ODR4: variants seen among roughly 807,000 people sequenced by gnomAD.
ODR4 encodes protein odr-4 homolog.
In ODR4, 47 loss-of-function variants were observed where a neutral mutation model predicts 60.2. The ratio of observed to expected loss-of-function variants is 0.78; its 90% CI spans 0.62 to 1.00. The LOEUF (loss-of-function observed/expected upper bound fraction) is 1.00. ODR4 is among the 50% of genes least tolerant of loss of function. The pLI, the probability that ODR4 is intolerant of heterozygous loss-of-function variation, is 0.00. For missense variants in ODR4, 488 were observed against 530.8 expected (o/e 0.92, Z 0.79); for synonymous variants, 178 against 175.5 (o/e 1.01, Z -0.11).
At chr1:186,425,514 A>G (rs1207210323), downstream of ODR4, among the ~76,000 whole-genome samples, 1 of 152,138 alleles carries the variant, frequency 6.6e-6, no homozygotes, top group Non-Finnish European at 1.5e-5. Context: ...GCTCTGAGTC[A>G]TTCTTTTCCA....
chr1:186,379,790 G>A lies in ODR4; in HGVS notation c.5G>A (p.Gly2Glu). M[G>E]RTYIVEETVG... is the part of the protein sequence containing the mutation. The stretch of plus-strand genomic sequence containing the variant: ...AGGAGATTTTAGTTCCTAAAAATGG[G>A]AAGAACCTACATTGTAGAAGAGACT... The change falls in exon 2 of 14, where the codon GGA (glycine) becomes GAA (glutamate). Residue 2 changes from glycine to glutamate, a missense_variant. Physicochemically the swap from Gly to Glu is moderately conservative, Grantham distance 98. Coordinates refer to ENST00000287859, the MANE Select transcript of ODR4 (RefSeq NM_017847.6). The A allele has an allele frequency of 6.3e-7, 1 of 1,576,124 alleles. No homozygotes were observed. Among genetic ancestry groups the A allele is most frequent in the Non-Finnish European group, 8.6e-7 (1 of 1,166,360 alleles).
At chr1:186,381,387 C>T (rs1017276983) in intron 2 of ODR4, among the ~76,000 whole-genome samples, 9 of 150,656 alleles carry the variant, frequency 6.0e-5, no homozygotes, top group Admixed American at 2.0e-4. Context: ...AGTGCAGTGG[C>T]GCAATCTCGG....
chr1:186,415,090 GA>G (rs558584841), intron 12 of ODR4, among the ~76,000 whole-genome samples: 6 of 146,694 alleles, frequency 4.1e-5, no homozygotes, highest in Non-Finnish European at 7.5e-5. Flanking sequence ...TATGAGAATA[GA>G]AAAAAAAAGG....
At chr1:186,385,606 G>A (rs1180540131) in intron 3 of ODR4, among the ~76,000 whole-genome samples, 1 of 151,824 alleles carries the variant, frequency 6.6e-6, no homozygotes, top group East Asian at 1.9e-4. Context: ...GGATGTGTAT[G>A]GAAAACAGTT....
intron 12 of ODR4, among the ~76,000 whole-genome samples, chr1:186,408,932 G>T (rs963069552): frequency 6.6e-6 from 1 of 151,878 alleles, no homozygotes; most frequent in Non-Finnish European, 1.5e-5. Flanking sequence ...TTAATTTCAT[G>T]TTGTATGTTA....
chr1:186,403,533 T>C (rs1320664040), intron 11 of ODR4, among the ~76,000 whole-genome samples: 1 of 152,136 alleles, frequency 6.6e-6, no homozygotes, highest in East Asian at 1.9e-4. Context: ...AAAATTAACC[T>C]GAATTAGAGT....
rs1661694221 is a variant in ODR4 at position 186,419,161 on chromosome 1, T to C, written c.*85T>C. The C allele has an allele frequency of 8.4e-7, 1 of 1,194,732 alleles. No individual in the cohort carries two copies. The highest frequency in any genetic ancestry group is 1.5e-5 in the African/African-American group (1 of 66,564). The allele number at this position is 1,194,732 out of a possible 1,614,324, so 74.0% of individuals were successfully genotyped here. A position where few individuals can be genotyped will look rare whatever the true frequency, so the allele number is the denominator to read the frequency against. On this transcript the variant is annotated 3_prime_UTR_variant, in exon 14 of 14. Coordinates refer to ENST00000287859, the MANE Select transcript of ODR4 (RefSeq NM_017847.6). ...TAAAGATGTTAACAATCCATCTGTATTTAAAACACTAGCAGCCAGATCTGC... is the reference window on the plus strand; with the variant it reads ...TAAAGATGTTAACAATCCATCTGTACTTAAAACACTAGCAGCCAGATCTGC...
chr1:186,434,477 A>G, the ODR4 span, among the ~76,000 whole-genome samples: 2 of 152,142 alleles, frequency 1.3e-5, no homozygotes, highest in African/African-American at 4.8e-5. Context: ...TGGTAAAATA[A>G]CTCTGGTTTC....
chr1:186,417,168 G>A (rs1412535234), intron 12 of ODR4, among the ~76,000 whole-genome samples: 4 of 151,858 alleles, frequency 2.6e-5, no homozygotes, highest in African/African-American at 9.7e-5. Context: ...TCACTGTGTT[G>A]CCCAGGCTGG....
intron 9 of ODR4, among the ~76,000 whole-genome samples, chr1:186,396,803 A>G (rs1660699832): frequency 6.6e-6 from 1 of 152,102 alleles, no homozygotes; most frequent in East Asian, 1.9e-4. Flanking sequence ...ATACTAATAT[A>G]TAAATGTGTT....
At chr1:186,430,284 A>G in the ODR4 span, among the ~76,000 whole-genome samples, 1 of 152,098 alleles carries the variant, frequency 6.6e-6, no homozygotes, top group African/African-American at 2.4e-5. Flanking sequence ...ATGAAGCTAG[A>G]TTTTGTACTG....
At chr1:186,401,668 T>A (rs1242195262) in intron 11 of ODR4, among the ~76,000 whole-genome samples, 1 of 151,872 alleles carries the variant, frequency 6.6e-6, no homozygotes, top group East Asian at 1.9e-4. Flanking sequence ...CATTATTAAT[T>A]TTTGTATGTT....
intron 12 of ODR4, among the ~76,000 whole-genome samples, chr1:186,411,619 T>G (rs1233756682): frequency 6.6e-6 from 1 of 151,896 alleles, no homozygotes; most frequent in African/African-American, 2.4e-5. Flanking sequence ...TTGTGAAATA[T>G]TAGCATGAAC....
In ODR4 at chr1:186,381,173, A is replaced by G. The variant is rs1184652523; in HGVS notation, c.99+1289A>G. ...TCTTTCTCTTTGTTTAAAACATTTA[A>G]GAGAAGAAGAGTCTTAGAGAAAGAT... On this transcript the variant is annotated intron_variant, in intron 2 of 13. Transcript: ENST00000287859. Among the ~76,000 whole-genome samples, 10 of 152,322 alleles carry G rather than the reference A, an allele frequency of 6.6e-5. No individual in the cohort carries two copies. The South Asian group carries it at 1.9e-3, about 28-fold the overall frequency.
chr1:186,424,100 A>T (rs950758237), downstream of ODR4, among the ~76,000 whole-genome samples: 1 of 152,150 alleles, frequency 6.6e-6, no homozygotes, highest in East Asian at 1.9e-4. Flanking sequence ...GGATATGTGT[A>T]CCTCAAGAGT....
At chr1:186,392,109 G>C (rs780040315) in intron 8 of ODR4, among the ~76,000 whole-genome samples, 1 of 152,086 alleles carries the variant, frequency 6.6e-6, no homozygotes, top group Non-Finnish European at 1.5e-5. Context: ...AGTCAGAATC[G>C]CTGTTATTAA....
chr1:186,426,333 A>C (rs1333472207), downstream of ODR4, among the ~76,000 whole-genome samples: 3 of 152,222 alleles, frequency 2.0e-5, no homozygotes, highest in African/African-American at 7.2e-5. Flanking sequence ...TAGCTGACTC[A>C]GTTGGGTGGC....
chr1:186,419,702 A>C lies in ODR4; in HGVS notation c.*626A>C, dbSNP rs1489795143. On this transcript the variant is annotated 3_prime_UTR_variant, in exon 14 of 14. Transcript: ENST00000287859. ...ACTCCAGCCTGGGTGACAAAATGAG[A>C]CATTGTCTCTAAAATACATAAGTAA... 1 of 152,146 alleles carries C rather than the reference A, an allele frequency of 6.6e-6. No homozygotes were observed. Among genetic ancestry groups the C allele is most frequent in the African/African-American group, 2.4e-5 (1 of 41,428 alleles). The allele number at this position is 152,146 out of a possible 1,614,324, so 9.4% of individuals were successfully genotyped here.
At chr1:186,391,925 A>G (rs1660483559) in intron 8 of ODR4, 134 bp downstream of exon 8, 6 of 628,266 alleles carry the variant, frequency 9.6e-6, no homozygotes, top group Non-Finnish European at 1.4e-5. Context: ...TTTAAAGTAA[A>G]AGGCAAATGT....
Sources: allele counts gnomAD v4.1 joint callset (sites outside exome capture counted in the v4.1 genomes callset), GRCh38; gene constraint gnomAD v4.1.1; transcripts MANE v1.5; gene names NCBI Gene and HGNC (gene_info 2026-07-23, HGNC 2026-07-21).